Variants in SORCS1 observed in about 807,000 individuals in gnomAD.
The protein encoded by SORCS1 is VPS10 domain-containing receptor SorCS1.
In SORCS1, 60 loss-of-function variants were observed where a neutral mutation model predicts 146.1. That is an observed-to-expected ratio of 0.41 (90% CI 0.33 to 0.51). The LOEUF is 0.51. Among genes scored for constraint, SORCS1 ranks in the 20% least tolerant of loss-of-function variants. The pLI is 0.21. For synonymous variants in SORCS1, 637 were observed against 584.0 expected (o/e 1.09, Z -1.31); for missense variants, 1,352 against 1,487.6 (o/e 0.91, Z 1.50).
At chr10:107,036,692 T>C (rs1289588898) in intron 1 of SORCS1, among the ~76,000 whole-genome samples, 1 of 152,222 alleles carries the variant, frequency 6.6e-6, no homozygotes, top group Non-Finnish European at 1.5e-5. Flanking sequence ...AACAGGCTAC[T>C]GCCTCAGATC....
At chr10:106,777,298 T>G (rs1860515574) in intron 3 of SORCS1, among the ~76,000 whole-genome samples, 1 of 152,232 alleles carries the variant, frequency 6.6e-6, no homozygotes, top group African/African-American at 2.4e-5. Flanking sequence ...ATAATTTACT[T>G]ATTTATTTTG....
intron 3 of SORCS1, among the ~76,000 whole-genome samples, chr10:106,815,953 A>G (rs966675707): frequency 1.3e-5 from 2 of 152,198 alleles, no homozygotes; most frequent in Non-Finnish European, 2.9e-5. Flanking sequence ...AAACGGGGAA[A>G]GGCAAATTTC....
chr10:106,751,237 C>G (rs1433044038), intron 5 of SORCS1, among the ~76,000 whole-genome samples: 45 of 152,184 alleles, frequency 3.0e-4, no homozygotes, highest in East Asian at 1.9e-4. Flanking sequence ...AGAAACGCCT[C>G]AGTAGACCTT....
At chr10:106,930,600 G>T (rs1376761509) in intron 2 of SORCS1, among the ~76,000 whole-genome samples, 2 of 152,140 alleles carry the variant, frequency 1.3e-5, no homozygotes, top group Non-Finnish European at 2.9e-5. Flanking sequence ...CAGCTCACAG[G>T]CACAACACCA....
intron 3 of SORCS1, among the ~76,000 whole-genome samples, chr10:106,820,758 C>A (rs1479510563): frequency 1.3e-5 from 2 of 152,146 alleles, no homozygotes; most frequent in African/African-American, 4.8e-5. Context: ...TCACTAGAAA[C>A]AAATGTTCTA....
intron 1 of SORCS1, among the ~76,000 whole-genome samples, chr10:107,128,716 T>C (rs111697194): frequency 2.6e-5 from 4 of 152,276 alleles, no homozygotes; most frequent in African/African-American, 9.6e-5. Flanking sequence ...TAATACCCCT[T>C]TATCGTGGAG....
intron 1 of SORCS1, among the ~76,000 whole-genome samples, chr10:107,150,075 T>C (rs1377340817): frequency 6.6e-6 from 1 of 152,222 alleles, no homozygotes; most frequent in Non-Finnish European, 1.5e-5. Context: ...ATGGCTATTA[T>C]GCACTTATCA....
intron 1 of SORCS1, among the ~76,000 whole-genome samples, chr10:107,075,394 G>C (rs1029574292): frequency 5.3e-5 from 8 of 152,130 alleles, no homozygotes; most frequent in African/African-American, 1.9e-4. Flanking sequence ...TGCAGTTTAA[G>C]TGCCTTCTGA....
At chr10:106,824,293 CA>C (rs71025559) in intron 3 of SORCS1, among the ~76,000 whole-genome samples, 4,841 of 104,650 alleles carry the variant, frequency 0.046, 81 homozygotes, top group Non-Finnish European at 0.066. Context: ...GACTCTATCT[CA>C]AAAAAAAAAA....
intron 18 of SORCS1, among the ~76,000 whole-genome samples, chr10:106,647,852 T>G (rs1367142021): frequency 6.6e-6 from 1 of 152,162 alleles, no homozygotes. Flanking sequence ...TGAGTATATA[T>G]CTACCGTTTT....
chr10:106,760,587 A>G (rs1384610464), intron 5 of SORCS1, among the ~76,000 whole-genome samples: 1 of 151,640 alleles, frequency 6.6e-6, no homozygotes, highest in African/African-American at 2.4e-5. Context: ...TTGATCTCGA[A>G]CTCCCCAGCC....
intron 1 of SORCS1, among the ~76,000 whole-genome samples, chr10:107,027,483 G>A (rs537899833): frequency 7.2e-5 from 11 of 152,260 alleles, no homozygotes; most frequent in South Asian, 6.2e-4. Context: ...GCGTGGCAGC[G>A]TGACATTATC....
chr10:106,843,537 T>C (rs908229718), intron 2 of SORCS1, among the ~76,000 whole-genome samples: 3 of 145,266 alleles, frequency 2.1e-5, no homozygotes, highest in Non-Finnish European at 4.5e-5. Flanking sequence ...GTTCACGCCA[T>C]TCTCCCACCT....
chr10:106,698,110 T>G (rs921511354), intron 9 of SORCS1, among the ~76,000 whole-genome samples: 1 of 152,188 alleles, frequency 6.6e-6, no homozygotes, highest in African/African-American at 2.4e-5. Context: ...GGCATACAGT[T>G]TACTAACATG....
chr10:106,841,537 A>C (rs145876058), intron 2 of SORCS1, among the ~76,000 whole-genome samples: 175 of 152,314 alleles, frequency 1.1e-3, no homozygotes, highest in African/African-American at 4.1e-3. Context: ...CACTTAATAG[A>C]CTGTAGTATA....
At chr10:106,732,415 C>T (rs1395642027) in intron 5 of SORCS1, among the ~76,000 whole-genome samples, 1 of 152,268 alleles carries the variant, frequency 6.6e-6, no homozygotes, top group East Asian at 1.9e-4. Flanking sequence ...CCGCAGGTGA[C>T]CTTTTCTGAC....
chr10:106,660,924 A>T (rs2135371184), intron 17 of SORCS1, among the ~76,000 whole-genome samples: 1 of 152,354 alleles, frequency 6.6e-6, no homozygotes, highest in Admixed American at 6.5e-5. Context: ...CCAGCTTAAT[A>T]GCAGGAAGAA....
intron 2 of SORCS1, among the ~76,000 whole-genome samples, chr10:106,887,917 T>C (rs1456146385): frequency 6.6e-6 from 1 of 152,210 alleles, no homozygotes; most frequent in East Asian, 1.9e-4. Flanking sequence ...AGTGACTACG[T>C]AGACAAAGCT....
At chr10:106,874,350 C>T (rs1415021) in intron 2 of SORCS1, among the ~76,000 whole-genome samples, 71,232 of 151,954 alleles carry the variant, frequency 0.47, 17,143 homozygotes, top group African/African-American at 0.59. Context: ...ATGCAGAAAA[C>T]AAATTATTAT....
Sources: gnomAD v4.1 joint callset for allele counts (sites outside exome capture counted in the v4.1 genomes callset) on GRCh38, gnomAD v4.1.1 for gene constraint, MANE v1.5 for transcripts, NCBI Gene and HGNC (gene_info 2026-07-23, HGNC 2026-07-21) for gene names.